NCOA7: variants seen among roughly 807,000 people sequenced by gnomAD.
NCOA7 encodes 140 kDa estrogen receptor-associated protein.
A neutral mutation model predicts 104.3 loss-of-function variants in NCOA7; 45 were observed. The ratio of observed to expected loss-of-function variants is 0.43; its 90% CI spans 0.34 to 0.55. The LOEUF (loss-of-function observed/expected upper bound fraction) is 0.55. NCOA7 is among the 20% of genes least tolerant of loss of function. The probability of loss-of-function intolerance (pLI) is 0.02; values close to 1 mark genes in which losing one functional copy is unlikely to be tolerated. For synonymous variants in NCOA7, 398 were observed against 402.3 expected (o/e 0.99, Z 0.13); for missense variants, 1,041 against 1,119.7 (o/e 0.93, Z 1.00).
chr6:125,890,796 T>C lies in NCOA7; in HGVS notation c.2082T>C (p.Ala694=). The change falls in exon 10 of 16, where the codon GCT becomes GCC. Residue 694 remains alanine (A), a synonymous_variant. Transcript: ENST00000392477. ...GAAAGCAGCCAGAGTACTGGTTTGC[T>C]GTTCCTCGGGAGAGGTGAGTATGGG... ...KRRKQPEYWF[A]VPRERVDHLY... The C allele has an allele frequency of 6.2e-7, 1 of 1,609,120 alleles. No individual in the cohort carries two copies. Among genetic ancestry groups the C allele is most frequent in the South Asian group, 1.1e-5 (1 of 90,164 alleles).
chr6:125,846,356 A>G (rs1037440661), intron 2 of NCOA7, among the ~76,000 whole-genome samples: 19 of 78,282 alleles, frequency 2.4e-4, no homozygotes, highest in African/African-American at 7.2e-4. Flanking sequence ...AAAAAAGAAA[A>G]AAAAATTTTT....
chr6:125,831,006 C>T (rs937627397), intron 2 of NCOA7, among the ~76,000 whole-genome samples: 4 of 151,988 alleles, frequency 2.6e-5, no homozygotes, highest in African/African-American at 4.8e-5. Context: ...GTCAGATATG[C>T]AACTTGAATA....
rs1246493491 is a variant in NCOA7 at position 125,881,184 on chromosome 6, C to A, written c.554C>A (p.Ala185Glu). ...GATVSPSSSD[A>E]EYDKLPDADL... ...ACTGTCTCTCCTTCATCATCAGATG[C>A]AGAATATGATAAATTGCCTGTATGT... Residue 185 changes from alanine (A) to glutamate (E), a missense_variant, in exon 6 of 16, where the codon GCA becomes GAA. Transcript: ENST00000392477. 1 of 1,611,274 alleles carries A rather than the reference C, an allele frequency of 6.2e-7. No homozygotes were observed. The highest frequency in any genetic ancestry group is 8.5e-7 in the Non-Finnish European group (1 of 1,177,650).
chr6:125,818,012 T>C (rs1395914700), intron 2 of NCOA7, among the ~76,000 whole-genome samples: 1 of 151,714 alleles, frequency 6.6e-6, no homozygotes, highest in Admixed American at 6.6e-5. Context: ...CCTTTCTTCC[T>C]GCTCCTCTTC....
At chr6:125,787,490 C>T (rs957702986), upstream of NCOA7, among the ~76,000 whole-genome samples, 1 of 152,170 alleles carries the variant, frequency 6.6e-6, no homozygotes, top group Non-Finnish European at 1.5e-5. Context: ...AAACAAATGG[C>T]GGAGTGAAGT....
chr6:125,803,601 A>G (rs960473171), intron 1 of NCOA7, among the ~76,000 whole-genome samples: 2 of 152,240 alleles, frequency 1.3e-5, no homozygotes, highest in Non-Finnish European at 2.9e-5. Flanking sequence ...GCATTTTTAC[A>G]GGTATGAATG....
At chr6:125,862,366 AAG>A (rs1782133506) in intron 3 of NCOA7, among the ~76,000 whole-genome samples, 1 of 138,426 alleles carries the variant, frequency 7.2e-6, no homozygotes, top group Non-Finnish European at 1.5e-5. Flanking sequence ...GCAAAGAAAA[AAG>A]AAACAGACTT....
At chr6:125,919,437 T>C in intron 11 of NCOA7, 1 of 1,612,580 alleles carries the variant, frequency 6.2e-7, no homozygotes, top group Non-Finnish European at 8.5e-7. Flanking sequence ...TGAAGGTATG[T>C]TGGAGTGCGT....
At chr6:125,836,723 CAG>C (rs1374086350) in intron 2 of NCOA7, among the ~76,000 whole-genome samples, 1 of 152,052 alleles carries the variant, frequency 6.6e-6, no homozygotes, top group Admixed American at 6.6e-5. Flanking sequence ...TGCCTGGGAG[CAG>C]AACATTTAAA....
chr6:125,793,792 G>A (rs1775061642), intron 1 of NCOA7, among the ~76,000 whole-genome samples: 1 of 152,166 alleles, frequency 6.6e-6, no homozygotes, highest in African/African-American at 2.4e-5. Context: ...AAAATATACA[G>A]AAGTAAATTT....
At chr6:125,839,080 T>C (rs1779882203) in intron 2 of NCOA7, among the ~76,000 whole-genome samples, 1 of 152,086 alleles carries the variant, frequency 6.6e-6, no homozygotes, top group African/African-American at 2.4e-5. Context: ...TACCTATGCA[T>C]GATTGATTAA....
chr6:125,811,914 A>G (rs894096220), intron 1 of NCOA7, among the ~76,000 whole-genome samples: 1 of 152,182 alleles, frequency 6.6e-6, no homozygotes, highest in Non-Finnish European at 1.5e-5. Context: ...TTTCTAGCTC[A>G]TCTCCAAATG....
In NCOA7 at chr6:125,833,533, A is replaced by G. The variant is rs1779356598; in HGVS notation, c.50+18129A>G. On this transcript the variant is annotated intron_variant, in intron 2 of 15. Coordinates refer to ENST00000392477, the MANE Select transcript of NCOA7 (RefSeq NM_181782.5). ...AGTTGCAGTGAGCTGAGATCACACC[A>G]CTGCACTCCAGTCTAGGCAACAGAG... Among the ~76,000 whole-genome samples, 4 of 139,912 alleles carry G rather than the reference A, an allele frequency of 2.9e-5. No individual in the cohort carries two copies. In the South Asian group the frequency reaches 7.1e-4, roughly 25 times the overall value. 91.8% of individuals were successfully genotyped at this position (139,912 alleles called of 152,430 possible). A position where few individuals can be genotyped will look rare whatever the true frequency, so the allele number is the denominator to read the frequency against.
intron 1 of NCOA7, among the ~76,000 whole-genome samples, chr6:125,798,813 C>T (rs980758293): frequency 6.6e-6 from 1 of 152,028 alleles, no homozygotes; most frequent in African/African-American, 2.4e-5. Context: ...AACATTATTA[C>T]AATTATGTAT....
At chr6:125,888,406 G>A (rs1461208838) in intron 8 of NCOA7, among the ~76,000 whole-genome samples, 1 of 152,156 alleles carries the variant, frequency 6.6e-6, no homozygotes, top group Non-Finnish European at 1.5e-5. Flanking sequence ...CCTAAGCCAT[G>A]AAACCCAGAA....
intron 1 of NCOA7, among the ~76,000 whole-genome samples, chr6:125,807,204 A>C (rs1483106730): frequency 2.6e-5 from 4 of 152,218 alleles, no homozygotes; most frequent in African/African-American, 9.7e-5. Context: ...GATCCTTCAG[A>C]TGTTTAAAAA....
intron 3 of NCOA7, among the ~76,000 whole-genome samples, chr6:125,869,348 T>A (rs993008377): frequency 2.0e-5 from 3 of 152,146 alleles, no homozygotes; most frequent in Non-Finnish European, 4.4e-5. Context: ...ATACTCAATG[T>A]CCACATCTCA....
intron 10 of NCOA7, among the ~76,000 whole-genome samples, chr6:125,901,117 A>C (rs1192258312): frequency 2.0e-5 from 3 of 152,198 alleles, no homozygotes; most frequent in Non-Finnish European, 4.4e-5. Flanking sequence ...CTGCATGCAT[A>C]TGCGTTTCAG....
Position 125,863,829 on chromosome 6 carries a change from G to A in NCOA7, c.271+8589G>A, listed in dbSNP as rs1433022377. On this transcript the variant is annotated intron_variant, in intron 3 of 15. Transcript: ENST00000392477. ...ATGGTAGAAGGGTGAGGGGTCTTTG[G>A]CCTCTTTTATAAGGGCAATAATCCC... Among the ~76,000 whole-genome samples the A allele has an allele frequency of 2.2e-5, 3 of 137,340 alleles. 1 individual carries two copies. In the East Asian group the frequency reaches 6.4e-4, roughly 29 times the overall value. The allele number at this position is 137,340 out of a possible 152,430, so 90.1% of individuals were successfully genotyped here. A position where few individuals can be genotyped will look rare whatever the true frequency, so the allele number is the denominator to read the frequency against.
Sources: allele counts gnomAD v4.1 joint callset (sites outside exome capture counted in the v4.1 genomes callset), GRCh38; gene constraint gnomAD v4.1.1; transcripts MANE v1.5; gene names NCBI Gene and HGNC (gene_info 2026-07-23, HGNC 2026-07-21).